The following ATAT1 variants were observed in gnomAD, a reference collection of about 807,000 sequenced individuals.
ATAT1 encodes alpha tubulin acetyltransferase 1, also known as alpha-tubulin N-acetyltransferase 1.
Under a neutral mutation model 57.2 loss-of-function variants are expected in ATAT1, and 42 were observed. The ratio of observed to expected loss-of-function variants is 0.73; its 90% confidence interval spans 0.57 to 0.95. ATAT1 has a LOEUF of 0.95. Ranked by LOEUF, ATAT1 falls within the 40% of genes least tolerant of loss-of-function variation. The probability of loss-of-function intolerance (pLI) is 0.00; values close to 1 mark genes in which losing one functional copy is unlikely to be tolerated. For synonymous variants in ATAT1, 168 were observed against 187.1 expected, an observed-to-expected ratio of 0.90 and a Z score of 0.83; for missense variants, 454 against 523.7, an observed-to-expected ratio of 0.87 and a Z score of 1.30.
intron 6 of ATAT1, among the ~76,000 whole-genome samples, chr6:30,632,940 CAAA>C (rs9257002): frequency 3.9e-5 from 5 of 127,248 alleles, no homozygotes; most frequent in Admixed American, 8.3e-5. Context: ...GACCCCATAT[CAAA>C]AAAAAAAAAA....
chr6:30,631,634 C>T (rs1479544540), intron 6 of ATAT1, among the ~76,000 whole-genome samples: 4 of 151,604 alleles, frequency 2.6e-5, no homozygotes, highest in Non-Finnish European at 5.9e-5. Context: ...CAAAAATTAG[C>T]CAGGTGTAGT....
chr6:30,637,341 A>G (rs532702867), intron 6 of ATAT1, among the ~76,000 whole-genome samples: 37 of 151,470 alleles, frequency 2.4e-4, no homozygotes, highest in Admixed American at 2.3e-3. Flanking sequence ...CCACATTTGA[A>G]CCCATAGCCA....
Position 30,642,836 on chromosome 6 carries a change from C to CA in ATAT1, c.758dup (p.His253GlnfsTer47). 1.6e-6 allele frequency: 1 copy of CA among 615,850 alleles called. No individual in the cohort carries two copies. The highest frequency in any genetic ancestry group is 1.4e-5 in the South Asian group (1 of 70,160). 38.1% of individuals were successfully genotyped at this position (615,850 alleles called of 1,614,324 possible). On this transcript the variant is annotated frameshift_variant, in exon 10 of 13. Transcript: ENST00000330083. LOFTEE classifies it high-confidence loss of function. The stretch of plus-strand genomic sequence containing the variant: ...CCCTCGCCGCGCCACACCTCCAGCC[C>CA]ACCCACCCCCCCGCTCCAGCAGCCT...
chr6:30,645,424 C>T (rs892493154), intron 10 of ATAT1, among the ~76,000 whole-genome samples: 6 of 152,140 alleles, frequency 3.9e-5, no homozygotes, highest in Non-Finnish European at 4.4e-5. Flanking sequence ...CCATGTTGGC[C>T]AGGTTGGTCT....
chr6:30,640,756 G>T (rs774948936), intron 8 of ATAT1, 153 bp downstream of exon 8: 49 of 771,912 alleles, frequency 6.3e-5, no homozygotes, highest in Non-Finnish European at 9.7e-5. Context: ...TGCCCTCATG[G>T]GAGCTCAGTG....
chr6:30,640,755 G>A (rs1765241325), intron 8 of ATAT1, 152 bp downstream of exon 8: 1 of 799,996 alleles, frequency 1.3e-6, no homozygotes, highest in Admixed American at 2.7e-5. Flanking sequence ...TTGCCCTCAT[G>A]GGAGCTCAGT....
chr6:30,632,268 T>TAAAA (rs3058942), intron 6 of ATAT1, among the ~76,000 whole-genome samples: 2,311 of 117,836 alleles, frequency 0.02, 62 homozygotes, highest in African/African-American at 0.059. Flanking sequence ...GACTCCTTCT[T>TAAAA]AAAAAAAAAA....
intron 6 of ATAT1, among the ~76,000 whole-genome samples, chr6:30,629,296 TGCAG>T (rs1762345931): frequency 2.6e-5 from 4 of 151,680 alleles, no homozygotes; most frequent in African/African-American, 9.7e-5. Context: ...CAGGCTGGAT[TGCAG>T]TGGCACGATC....
chr6:30,642,257 G>A lies in ATAT1; in HGVS notation c.688+10G>A, dbSNP rs539870389. 3 of 1,614,126 alleles carry A rather than the reference G, an allele frequency of 1.9e-6. No homozygotes were observed. In the African/African-American group the frequency reaches 4.0e-5, roughly 22 times the overall value. On this transcript the variant is annotated intron_variant, in intron 9 of 12. Coordinates refer to ENST00000330083, the MANE Select transcript of ATAT1 (RefSeq NM_001031722.4). The stretch of plus-strand genomic sequence containing the variant: ...TCTAGTGACCGAGAATGTAAGAGGG[G>A]CAAGGGTCGGGTGTCTGGGCCTGGG...
At chr6:30,628,958 A>G (rs1399139194) in intron 6 of ATAT1, among the ~76,000 whole-genome samples, 4 of 140,882 alleles carry the variant, frequency 2.8e-5, no homozygotes, top group African/African-American at 1.1e-4. Context: ...CTGGAGTGCT[A>G]TGGCAGGATC....
At chr6:30,643,270 G>C in intron 10 of ATAT1, 1 of 1,422,200 alleles carries the variant, frequency 7.0e-7, no homozygotes, top group Non-Finnish European at 9.1e-7. Context: ...GAAGAACACC[G>C]AGATCCATCG....
chr6:30,642,649 G>GAAA, intron 9 of ATAT1, 119 bp from the exon 10 acceptor site: 18 of 592,890 alleles, frequency 3.0e-5, no homozygotes, highest in East Asian at 1.3e-4. Flanking sequence ...TCTCAAAAAA[G>GAAA]AAAAAAAAAA....
At chr6:30,643,710 C>A in intron 10 of ATAT1, 1 of 1,446,726 alleles carries the variant, frequency 6.9e-7, no homozygotes. Context: ...TCTTAGACAG[C>A]AGGGATGTCA....
At chr6:30,628,214 C>G in intron 5 of ATAT1, 69 bp downstream of exon 5, 1 of 1,538,372 alleles carries the variant, frequency 6.5e-7, no homozygotes, top group Non-Finnish European at 9.0e-7. Flanking sequence ...TCCAGAAGCC[C>G]TGCCTCCCAC....
chr6:30,638,580 T>G (rs534563825), intron 6 of ATAT1, among the ~76,000 whole-genome samples: 2 of 151,812 alleles, frequency 1.3e-5, no homozygotes, highest in East Asian at 1.9e-4. Flanking sequence ...CCCGAGTTTT[T>G]TTTTTTTTTT....
chr6:30,643,515 AC>A, intron 10 of ATAT1: 1 of 1,550,318 alleles, frequency 6.5e-7, no homozygotes, highest in Non-Finnish European at 8.7e-7. Flanking sequence ...CCCATCCATA[AC>A]ATCCTTCCAC....
rs763573662 is a variant in ATAT1 at position 30,642,206 on chromosome 6, C to G, written c.647C>G (p.Ala216Gly). The change falls in exon 9 of 13, where the codon GCA (alanine) becomes GGA (glycine). Residue 216 changes from alanine to glycine, a missense_variant. Ala to Gly is a moderately conservative substitution (Grantham distance 60, BLOSUM62 0). Coordinates refer to ENST00000330083, the MANE Select transcript of ATAT1 (RefSeq NM_001031722.4). Reference sequence around the variant, plus strand: ...GCAAGGAAGCTGCCACCCAAGAGAGCAGAGGGAGACATCAAGCCATACTCC... The same window carrying G: ...GCAAGGAAGCTGCCACCCAAGAGAGGAGAGGGAGACATCAAGCCATACTCC... The G allele has an allele frequency of 3.1e-6, 5 of 1,614,122 alleles. No homozygotes were observed. The Admixed American group carries it at 8.3e-5, about 27-fold the overall frequency.
rs766514262 is a variant in ATAT1 at position 30,645,975 on chromosome 6, G to A, written c.1012+1G>A. 5 of 1,588,818 alleles carry A rather than the reference G, an allele frequency of 3.1e-6. No homozygotes were observed. Among genetic ancestry groups the A allele is most frequent in the Non-Finnish European group, 4.3e-6 (5 of 1,167,162 alleles). Reference sequence around the variant, plus strand: ...GTGAATTCCTCATCCCCCAATACAGGTAAGTATTCACTCCTCCCTACCCTC... The same window carrying A: ...GTGAATTCCTCATCCCCCAATACAGATAAGTATTCACTCCTCCCTACCCTC... On this transcript the variant is annotated splice_donor_variant, in intron 11 of 12. Coordinates refer to ENST00000330083, the MANE Select transcript of ATAT1 (RefSeq NM_001031722.4). LOFTEE classifies it high-confidence loss of function.
chr6:30,643,722 G>T, intron 10 of ATAT1: 1 of 1,430,122 alleles, frequency 7.0e-7, no homozygotes, highest in Non-Finnish European at 9.2e-7. Flanking sequence ...GGGATGTCAG[G>T]GTCTCAAACT....
Sources: allele counts gnomAD v4.1 joint callset (sites outside exome capture counted in the v4.1 genomes callset), GRCh38; gene constraint gnomAD v4.1.1; transcripts MANE v1.5; gene names NCBI Gene and HGNC (gene_info 2026-07-23, HGNC 2026-07-21).